RABGAP1: variants seen among roughly 807,000 people sequenced by gnomAD.
RABGAP1 encodes RAB GTPase activating protein 1.
In RABGAP1, 23 loss-of-function variants were observed where a neutral mutation model predicts 137.6. The observed-to-expected ratio is 0.17, with a 90% CI of 0.12 to 0.24. The LOEUF (loss-of-function observed/expected upper bound fraction) is 0.24, where lower values mean the gene tolerates loss of function less well. Among genes scored for constraint, RABGAP1 ranks in the 10% least tolerant of loss-of-function variants. The pLI is 1.00. For synonymous variants in RABGAP1, 451 were observed against 450.7 expected, an observed-to-expected ratio of 1.00 and a Z score of -0.01; for missense variants, 906 against 1,275.8, an observed-to-expected ratio of 0.71 and a Z score of 4.42.
intron 13 of RABGAP1, among the ~76,000 whole-genome samples, chr9:123,044,965 T>G (rs1564156797): frequency 6.6e-6 from 1 of 152,258 alleles, no homozygotes; most frequent in South Asian, 2.1e-4. Context: ...GATCTACAAT[T>G]TAACAAACAA....
intron 3 of RABGAP1, among the ~76,000 whole-genome samples, chr9:122,985,606 C>T (rs1237619571): frequency 3.1e-5 from 3 of 96,210 alleles, no homozygotes; most frequent in Admixed American, 1.4e-4. Context: ...AGCGAGACTC[C>T]GTCTCAAAAA....
At chr9:122,932,757 C>G in the RABGAP1 span, among the ~76,000 whole-genome samples, 92 of 152,176 alleles carry the variant, frequency 6.0e-4, no homozygotes, top group Middle Eastern at 3.4e-3. Flanking sequence ...GTGTCGAACT[C>G]CCGACCTCAG....
intron 2 of RABGAP1, among the ~76,000 whole-genome samples, chr9:122,969,783 C>T (rs1401779534): frequency 6.6e-6 from 1 of 151,950 alleles, no homozygotes; most frequent in East Asian, 1.9e-4. Context: ...CCAGATTAGT[C>T]TCAAACTCCT....
upstream of RABGAP1, chr9:122,940,069 AGGTG>A (rs913092002): frequency 2.0e-5 from 3 of 152,238 alleles, no homozygotes; most frequent in Admixed American, 6.5e-5. Flanking sequence ...CAGGAGGCTG[AGGTG>A]GTAGGATAGC....
chr9:122,974,373 G>A (rs1835647296), intron 2 of RABGAP1, among the ~76,000 whole-genome samples: 1 of 127,422 alleles, frequency 7.8e-6, no homozygotes, highest in Non-Finnish European at 1.6e-5. Flanking sequence ...AGAATTGATT[G>A]TATTTGCTTT....
At chr9:122,985,671 A>T (rs934583172) in intron 3 of RABGAP1, among the ~76,000 whole-genome samples, 5 of 152,014 alleles carry the variant, frequency 3.3e-5, no homozygotes, top group Non-Finnish European at 7.4e-5. Context: ...GTGAAGAAAT[A>T]CTAAATGTAT....
intron 22 of RABGAP1, among the ~76,000 whole-genome samples, 199 bp from the exon 23 acceptor site, chr9:123,098,516 G>T (rs571783467): frequency 2.6e-5 from 4 of 152,180 alleles, no homozygotes; most frequent in African/African-American, 7.2e-5. Context: ...GTTTTTGGAA[G>T]TTTTAACTGT....
intron 2 of RABGAP1, among the ~76,000 whole-genome samples, chr9:122,959,448 T>G (rs1481259655): frequency 6.6e-6 from 1 of 151,626 alleles, no homozygotes; most frequent in Non-Finnish European, 1.5e-5. Flanking sequence ...AAAAGCTCAC[T>G]GGTTAAGAGG....
chr9:123,024,094 A>G (rs1174090263), intron 13 of RABGAP1, among the ~76,000 whole-genome samples: 2 of 152,232 alleles, frequency 1.3e-5, no homozygotes, highest in Non-Finnish European at 2.9e-5. Context: ...TTTCAGTAAC[A>G]TAAAATACAT....
chr9:123,078,833 A>G (rs1165477683), intron 19 of RABGAP1, among the ~76,000 whole-genome samples: 1 of 152,110 alleles, frequency 6.6e-6, no homozygotes, highest in Non-Finnish European at 1.5e-5. Context: ...CTTCATTATT[A>G]ACATCCTAAT....
intron 3 of RABGAP1, among the ~76,000 whole-genome samples, chr9:122,985,019 A>G (rs1836295093): frequency 6.6e-6 from 1 of 152,100 alleles, no homozygotes; most frequent in Non-Finnish European, 1.5e-5. Flanking sequence ...AGATTTTTCA[A>G]ATAAAGAAGG....
At chr9:123,028,321 A>G (rs2032101174) in intron 13 of RABGAP1, among the ~76,000 whole-genome samples, 1 of 152,258 alleles carries the variant, frequency 6.6e-6, no homozygotes, top group Non-Finnish European at 1.5e-5. Flanking sequence ...CCATAAATAA[A>G]ATAAACTTGT....
chr9:123,080,057 A>T (rs911688108), intron 19 of RABGAP1, among the ~76,000 whole-genome samples: 2 of 152,232 alleles, frequency 1.3e-5, no homozygotes, highest in Admixed American at 1.3e-4. Flanking sequence ...GCAAAGCTTA[A>T]TAGTTTCCAG....
At chr9:122,985,585 C>G (rs760380747) in intron 3 of RABGAP1, among the ~76,000 whole-genome samples, 3 of 145,118 alleles carry the variant, frequency 2.1e-5, no homozygotes, top group Admixed American at 7.1e-5. Context: ...TGCACTTCAG[C>G]CTGGCGACAG....
intron 13 of RABGAP1, among the ~76,000 whole-genome samples, chr9:123,021,315 T>A (rs889143764): frequency 6.9e-6 from 1 of 144,530 alleles, no homozygotes; most frequent in Non-Finnish European, 1.5e-5. Flanking sequence ...AAAAACCTTA[T>A]AAGGGAAGAG....
chr9:122,966,851 A>G (rs1257473527), intron 2 of RABGAP1, among the ~76,000 whole-genome samples: 1 of 152,212 alleles, frequency 6.6e-6, no homozygotes, highest in Admixed American at 6.5e-5. Context: ...GTCATGTCTT[A>G]CATGGATGGA....
chr9:123,076,803 T>C, intron 19 of RABGAP1, 41 bp downstream of exon 19: 1 of 1,479,784 alleles, frequency 6.8e-7, no homozygotes, highest in African/African-American at 1.4e-5. Context: ...GTTTTTCACT[T>C]AGTGTCTCAC....
chr9:123,094,498 G>A (rs1282176726), intron 21 of RABGAP1, among the ~76,000 whole-genome samples: 1 of 152,154 alleles, frequency 6.6e-6, no homozygotes, highest in Non-Finnish European at 1.5e-5. Context: ...ACTTTTCAAT[G>A]TAAACCAACC....
At chr9:123,027,971 T>C (rs1272709942) in intron 13 of RABGAP1, among the ~76,000 whole-genome samples, 2 of 152,254 alleles carry the variant, frequency 1.3e-5, no homozygotes, top group African/African-American at 4.8e-5. Context: ...CTATATCTTA[T>C]CCCTGTGAAG....
Sources: allele counts gnomAD v4.1 joint callset (sites outside exome capture counted in the v4.1 genomes callset), GRCh38; gene constraint gnomAD v4.1.1; transcripts MANE v1.5; gene names NCBI Gene and HGNC (gene_info 2026-07-23, HGNC 2026-07-21).